The following KCNJ3 variants were observed in gnomAD, a reference collection of about 807,000 sequenced individuals.
The protein encoded by KCNJ3 is G protein-activated inward rectifier potassium channel 1.
A neutral mutation model predicts 39.2 loss-of-function variants in KCNJ3; 4 were observed. The observed-to-expected ratio is 0.10, with a 90% CI of 0.05 to 0.23. The LOEUF is 0.23. Among genes scored for constraint, KCNJ3 ranks in the 10% least tolerant of loss-of-function variants. KCNJ3 has a pLI of 1.00. For synonymous variants in KCNJ3, 230 were observed against 237.4 expected (o/e 0.97, Z 0.29); for missense variants, 276 against 634.9 (o/e 0.43, Z 6.08).
At chr2:154,786,499 G>T (rs1686531560) in intron 2 of KCNJ3, among the ~76,000 whole-genome samples, 1 of 152,130 alleles carries the variant, frequency 6.6e-6, no homozygotes, top group African/African-American at 2.4e-5. Flanking sequence ...TTTGTTATTG[G>T]ACACCATTTA....
chr2:154,727,206 C>T (rs148381753), intron 2 of KCNJ3, among the ~76,000 whole-genome samples: 1 of 152,180 alleles, frequency 6.6e-6, no homozygotes, highest in East Asian at 1.9e-4. Flanking sequence ...TAGTTCTTAA[C>T]AATACTTTTA....
Position 154,736,374 on chromosome 2 carries a change from T to TAAAAAAAAAAAAAAAAAAAA in KCNJ3, c.919+26576_919+26595dup, listed in dbSNP as rs70983745. ...AGAGAGTGACAGGAGTCACTAGTTC[T>TAAAAAAAAAAAAAAAAAAAA]AAAAAAAAAAAAAAAAAAAAAAAAA... On this transcript the variant is annotated intron_variant, in intron 2 of 2. Coordinates refer to ENST00000295101, the MANE Select transcript of KCNJ3 (RefSeq NM_002239.4). Among the ~76,000 whole-genome samples, 8 of 93,234 alleles carry TAAAAAAAAAAAAAAAAAAAA rather than the reference T, an allele frequency of 8.6e-5. 1 individual carries two copies. Among genetic ancestry groups the TAAAAAAAAAAAAAAAAAAAA allele is most frequent in the East Asian group, 4.2e-4 (1 of 2,406 alleles). The allele number at this position is 93,234 out of a possible 152,430, so 61.2% of individuals were successfully genotyped here. A position where few individuals can be genotyped will look rare whatever the true frequency, so the allele number is the denominator to read the frequency against.
chr2:154,739,534 C>T (rs2105173826), intron 2 of KCNJ3, among the ~76,000 whole-genome samples: 1 of 152,184 alleles, frequency 6.6e-6, no homozygotes, highest in East Asian at 1.9e-4. Context: ...ATCCATCCTT[C>T]TTCACCTTCG....
intron 2 of KCNJ3, among the ~76,000 whole-genome samples, chr2:154,716,629 A>AATGTGTATGTGT (rs1465963038): frequency 6.6e-6 from 1 of 152,174 alleles, no homozygotes; most frequent in Non-Finnish European, 1.5e-5. Flanking sequence ...ATGTTTTCTT[A>AATGTGTATGTGT]ATGTGTATGT....
At chr2:154,728,855 A>AT (rs944472400) in intron 2 of KCNJ3, among the ~76,000 whole-genome samples, 5 of 151,720 alleles carry the variant, frequency 3.3e-5, no homozygotes, top group East Asian at 1.9e-4. Context: ...TACCGGTCTT[A>AT]TTTTTTTTAG....
chr2:154,766,876 C>T (rs182228478), intron 2 of KCNJ3, among the ~76,000 whole-genome samples: 145 of 152,022 alleles, frequency 9.5e-4, no homozygotes, highest in African/African-American at 3.4e-3. Context: ...TTATAGGGGC[C>T]ATCTATCTGT....
chr2:154,745,501 CTGT>C (rs1373455776), intron 2 of KCNJ3, among the ~76,000 whole-genome samples: 3 of 151,758 alleles, frequency 2.0e-5, no homozygotes, highest in Non-Finnish European at 2.9e-5. Flanking sequence ...ATTTTTATTT[CTGT>C]TGTTGTGTTT....
At chr2:154,753,157 T>C (rs1410029502) in intron 2 of KCNJ3, among the ~76,000 whole-genome samples, 1 of 152,072 alleles carries the variant, frequency 6.6e-6, no homozygotes, top group African/African-American at 2.4e-5. Flanking sequence ...ATTAAAATAT[T>C]TCATTGTAAC....
chr2:154,752,115 T>C (rs1685855318), intron 2 of KCNJ3, among the ~76,000 whole-genome samples: 1 of 152,066 alleles, frequency 6.6e-6, no homozygotes, highest in Admixed American at 6.6e-5. Context: ...AATTTCCTTT[T>C]ATACATTTCC....
intron 2 of KCNJ3, among the ~76,000 whole-genome samples, chr2:154,724,446 A>G (rs1427199536): frequency 6.6e-6 from 1 of 152,136 alleles, no homozygotes; most frequent in Non-Finnish European, 1.5e-5. Flanking sequence ...ATTCAGGTAA[A>G]GAAAGGTATA....
At chr2:154,702,369 G>C (rs994410572) in intron 1 of KCNJ3, among the ~76,000 whole-genome samples, 10 of 151,818 alleles carry the variant, frequency 6.6e-5, no homozygotes, top group South Asian at 2.1e-4. Context: ...CTAAATAAAA[G>C]CTTCTTTAGA....
rs753028262 is a variant in KCNJ3 at position 154,709,859 on chromosome 2, A to G, written c.919+40A>G. 5.0e-6 allele frequency: 8 copies of G among 1,606,434 alleles called. No individual in the cohort carries two copies. In the South Asian group the frequency reaches 6.6e-5, roughly 13 times the overall value. On this transcript the variant is annotated intron_variant, in intron 2 of 2. Coordinates refer to ENST00000295101, the MANE Select transcript of KCNJ3 (RefSeq NM_002239.4). ...ATATGCCATAAAGTTTCTTTATACC[A>G]TAATGACATTATATGATATGCACAA...
chr2:154,777,919 C>T (rs2105200891), intron 2 of KCNJ3, among the ~76,000 whole-genome samples: 1 of 152,218 alleles, frequency 6.6e-6, no homozygotes, highest in South Asian at 2.1e-4. Context: ...TAATATGGAG[C>T]TTTCATAGCA....
chr2:154,761,965 G>T (rs151111703), intron 2 of KCNJ3, among the ~76,000 whole-genome samples: 1 of 152,058 alleles, frequency 6.6e-6, no homozygotes, highest in Non-Finnish European at 1.5e-5. Flanking sequence ...ACATCACAGA[G>T]TCCTTATAAA....
chr2:154,821,785 C>T (rs2105110774), intron 2 of KCNJ3, among the ~76,000 whole-genome samples: 1 of 151,932 alleles, frequency 6.6e-6, no homozygotes, highest in East Asian at 1.9e-4. Context: ...GGTCTACAGA[C>T]ATGTGCCACC....
At chr2:154,758,157 A>C (rs1685975140) in intron 2 of KCNJ3, among the ~76,000 whole-genome samples, 1 of 152,104 alleles carries the variant, frequency 6.6e-6, no homozygotes, top group African/African-American at 2.4e-5. Flanking sequence ...AGCTGAGTGC[A>C]TTTGTAGGGC....
At chr2:154,734,091 G>T (rs1009600963) in intron 2 of KCNJ3, among the ~76,000 whole-genome samples, 5 of 152,204 alleles carry the variant, frequency 3.3e-5, no homozygotes, top group African/African-American at 9.6e-5. Context: ...AAGGGACCCT[G>T]AAGTTTAAAT....
intron 2 of KCNJ3, among the ~76,000 whole-genome samples, chr2:154,796,665 A>T (rs1686725213): frequency 6.6e-6 from 1 of 152,102 alleles, no homozygotes; most frequent in Admixed American, 6.6e-5. Context: ...ACTTATGAAA[A>T]AGTATGCTAT....
chr2:154,812,931 T>A (rs1687027492), intron 2 of KCNJ3, among the ~76,000 whole-genome samples: 1 of 152,198 alleles, frequency 6.6e-6, no homozygotes, highest in South Asian at 2.1e-4. Flanking sequence ...TGTGTATATC[T>A]TATATAGTAT....
Sources: allele counts gnomAD v4.1 joint callset (sites outside exome capture counted in the v4.1 genomes callset), GRCh38; gene constraint gnomAD v4.1.1; transcripts MANE v1.5; gene names NCBI Gene and HGNC (gene_info 2026-07-23, HGNC 2026-07-21).